Variants in CTNNA3 observed in about 807,000 individuals in gnomAD.
CTNNA3 encodes catenin alpha-3.
Under a neutral mutation model 95.7 loss-of-function variants are expected in CTNNA3, and 76 were observed. The ratio of observed to expected loss-of-function variants is 0.79; its 90% CI spans 0.66 to 0.96. The LOEUF is 0.96. CTNNA3 is among the 40% of genes least tolerant of loss of function. The pLI is 0.00. For missense variants in CTNNA3, 1,191 were observed against 1,089.8 expected (o/e 1.09, Z -1.31); for synonymous variants, 431 against 374.4 (o/e 1.15, Z -1.74).
At chr10:67,268,644 A>G (rs1193815404) in intron 5 of CTNNA3, among the ~76,000 whole-genome samples, 1 of 152,200 alleles carries the variant, frequency 6.6e-6, no homozygotes, top group Non-Finnish European at 1.5e-5. Context: ...TACTTTTAAT[A>G]TGCAGTTCCA....
At chr10:66,267,608 G>A (rs2091187162) in intron 13 of CTNNA3, among the ~76,000 whole-genome samples, 1 of 152,086 alleles carries the variant, frequency 6.6e-6, no homozygotes, top group Non-Finnish European at 1.5e-5. Context: ...CTAGCACAGT[G>A]ATTAAAAGAT....
intron 5 of CTNNA3, among the ~76,000 whole-genome samples, chr10:67,226,862 C>G (rs776485672): frequency 4.6e-5 from 7 of 152,024 alleles, no homozygotes; most frequent in Non-Finnish European, 8.8e-5. Context: ...CAACAAAGAG[C>G]ATGATGAATG....
intron 16 of CTNNA3, among the ~76,000 whole-genome samples, chr10:65,967,526 T>C (rs1340823878): frequency 1.3e-5 from 2 of 152,208 alleles, no homozygotes; most frequent in Non-Finnish European, 2.9e-5. Flanking sequence ...GTTCTACTAC[T>C]TTCAGCATTC....
chr10:66,183,160 C>T (rs1400320085), intron 13 of CTNNA3, among the ~76,000 whole-genome samples: 2 of 152,206 alleles, frequency 1.3e-5, no homozygotes, highest in African/African-American at 4.8e-5. Flanking sequence ...TTTAGACAGT[C>T]CATGCCCTAG....
chr10:66,313,212 T>C (rs1335952043), intron 12 of CTNNA3, among the ~76,000 whole-genome samples: 2 of 152,196 alleles, frequency 1.3e-5, no homozygotes, highest in Non-Finnish European at 2.9e-5. Flanking sequence ...ATGTGGGTAT[T>C]ATTATCTTTG....
intron 9 of CTNNA3, among the ~76,000 whole-genome samples, chr10:66,626,370 C>G (rs1410828447): frequency 7.6e-6 from 1 of 131,590 alleles, no homozygotes; most frequent in Non-Finnish European, 1.7e-5. Flanking sequence ...ATATATTGTT[C>G]ATATAGTTAA....
In CTNNA3 at chr10:66,559,105, G is replaced by A. The variant is rs1160781618; in HGVS notation, c.1375-38332C>T. Among the ~76,000 whole-genome samples, 11 of 152,042 alleles carry A rather than the reference G, an allele frequency of 7.2e-5. No homozygotes were observed. In the East Asian group the frequency reaches 2.1e-3, roughly 29 times the overall value. ...CAACCCAAATATCTCTCATATCTAT[G>A]TTCATTTTTCCTTTGCACCAGAACC... On this transcript the variant is annotated intron_variant, in intron 10 of 17. Transcript: ENST00000433211.
rs561399504 is a variant in CTNNA3, at chr10:67,123,509, T to C, written c.1047+56808A>G. Among the ~76,000 whole-genome samples the C allele has an allele frequency of 3.3e-5, 5 of 152,320 alleles. No homozygotes were observed. In the South Asian group the frequency reaches 1.0e-3, roughly 32 times the overall value. On this transcript the variant is annotated intron_variant, in intron 7 of 17. Transcript: ENST00000433211. ...TTTTGTCTTATAACAAAAAACTTTT[T>C]ACTTTAAATCATTAACAGCCACAAC...
intron 5 of CTNNA3, among the ~76,000 whole-genome samples, chr10:67,253,478 A>G (rs1866193372): frequency 6.6e-6 from 1 of 152,202 alleles, no homozygotes; most frequent in South Asian, 2.1e-4. Context: ...GGAGAGTTAA[A>G]TAGGGCTACA....
intron 12 of CTNNA3, among the ~76,000 whole-genome samples, chr10:66,326,060 T>C (rs1012732416): frequency 1.3e-5 from 2 of 152,116 alleles, no homozygotes; most frequent in Admixed American, 1.3e-4. Context: ...AGTCAGAATT[T>C]TGTAAAATGA....
chr10:66,261,134 C>T (rs767738689), intron 13 of CTNNA3, among the ~76,000 whole-genome samples: 47 of 152,118 alleles, frequency 3.1e-4, no homozygotes, highest in Non-Finnish European at 6.3e-4. Flanking sequence ...AAACTTCCTT[C>T]CCTCAGGCTA....
At chr10:67,690,922 C>T (rs920758289) in intron 1 of CTNNA3, among the ~76,000 whole-genome samples, 7 of 152,160 alleles carry the variant, frequency 4.6e-5, no homozygotes, top group African/African-American at 1.4e-4. Context: ...TCTCTTTCCA[C>T]GGTCTCCCTC....
intron 15 of CTNNA3, among the ~76,000 whole-genome samples, chr10:66,039,346 C>A (rs1180096565): frequency 6.6e-6 from 1 of 152,190 alleles, no homozygotes; most frequent in East Asian, 1.9e-4. Flanking sequence ...CTATTCCTAT[C>A]AAACTACCAA....
At chr10:66,803,917 C>T (rs1648146860) in intron 7 of CTNNA3, among the ~76,000 whole-genome samples, 1 of 150,868 alleles carries the variant, frequency 6.6e-6, no homozygotes, top group African/African-American at 2.4e-5. Context: ...CATTATGACA[C>T]TGATATACAA....
intron 9 of CTNNA3, among the ~76,000 whole-genome samples, chr10:66,727,017 C>T (rs994593677): frequency 6.6e-6 from 1 of 152,026 alleles, no homozygotes; most frequent in African/African-American, 2.4e-5. Flanking sequence ...AAAGCACCAG[C>T]ATAATGCTTT....
intron 10 of CTNNA3, among the ~76,000 whole-genome samples, chr10:66,567,077 A>G (rs901694937): frequency 1.6e-5 from 1 of 61,680 alleles, no homozygotes; most frequent in African/African-American, 6.6e-5. Flanking sequence ...GGAGGGAGGG[A>G]GGGAGGAGTG....
At chr10:67,569,974 C>T (rs1388366214) in intron 3 of CTNNA3, among the ~76,000 whole-genome samples, 1 of 152,012 alleles carries the variant, frequency 6.6e-6, no homozygotes, top group Non-Finnish European at 1.5e-5. Flanking sequence ...TCTTTCTTCA[C>T]ACATATTAGC....
rs572244956 is a variant in CTNNA3, at chr10:66,332,203, T to G, written c.1732+46949A>C. 2.3e-3 allele frequency among the ~76,000 whole-genome samples: 349 copies of G among 152,092 alleles called. 7 individuals are homozygous for G. Among genetic ancestry groups the G allele is most frequent in the Admixed American group, 4.7e-3 (72 of 15,282 alleles). ...ATGTCATCTGCAAACAGGGACAATT[T>G]GACTTCCTCTTTTCCTAATTGAATA... On this transcript the variant is annotated intron_variant, in intron 12 of 17. Coordinates refer to ENST00000433211, the MANE Select transcript of CTNNA3 (RefSeq NM_013266.4).
At chr10:67,608,773 C>T (rs1843358449) in intron 2 of CTNNA3, among the ~76,000 whole-genome samples, 1 of 151,980 alleles carries the variant, frequency 6.6e-6, no homozygotes, top group Non-Finnish European at 1.5e-5. Context: ...ACAAAAACAT[C>T]ATACTGAATT....
Sources: gnomAD v4.1 joint callset for allele counts (sites outside exome capture counted in the v4.1 genomes callset) on GRCh38, gnomAD v4.1.1 for gene constraint, MANE v1.5 for transcripts, NCBI Gene and HGNC (gene_info 2026-07-23, HGNC 2026-07-21) for gene names.